INPP5A: variants seen among roughly 807,000 people sequenced by gnomAD.
INPP5A encodes inositol polyphosphate-5-phosphatase A.
A neutral mutation model predicts 65.2 loss-of-function variants in INPP5A; 14 were observed. The ratio of observed to expected loss-of-function variants is 0.21; its 90% CI spans 0.14 to 0.34. The LOEUF is 0.34. INPP5A is among the 10% of genes least tolerant of loss of function. The pLI is 1.00. For missense variants in INPP5A, 431 were observed against 545.6 expected, an observed-to-expected ratio of 0.79 and a Z score of 2.09; for synonymous variants, 207 against 208.3, an observed-to-expected ratio of 0.99 and a Z score of 0.05.
chr10:132,565,629 G>C (rs2071262997), intron 1 of INPP5A, among the ~76,000 whole-genome samples: 9 of 151,998 alleles, frequency 5.9e-5, no homozygotes, highest in Admixed American at 5.9e-4. Context: ...GTGTATGTGT[G>C]TATATGTATG....
At chr10:132,548,402 G>C (rs1247506715) in intron 1 of INPP5A, among the ~76,000 whole-genome samples, 1 of 152,300 alleles carries the variant, frequency 6.6e-6, no homozygotes, top group East Asian at 1.9e-4. Flanking sequence ...GGTGGCCCGG[G>C]AGTCGACTCT....
At chr10:132,652,517 C>T (rs1214437375) in intron 4 of INPP5A, among the ~76,000 whole-genome samples, 1 of 152,242 alleles carries the variant, frequency 6.6e-6, no homozygotes, top group Non-Finnish European at 1.5e-5. Flanking sequence ...GGTCCGATTG[C>T]TGAAAGCAAG....
intron 1 of INPP5A, among the ~76,000 whole-genome samples, chr10:132,570,162 G>T (rs1256724495): frequency 1.3e-5 from 2 of 151,718 alleles, no homozygotes; most frequent in African/African-American, 4.8e-5. Flanking sequence ...GGCCAGGCTG[G>T]TCTCAAACTC....
chr10:132,742,417 G>T (rs1276904727), intron 9 of INPP5A, among the ~76,000 whole-genome samples: 1 of 152,178 alleles, frequency 6.6e-6, no homozygotes, highest in Non-Finnish European at 1.5e-5. Flanking sequence ...CAGAGAGGGT[G>T]CCCACCGCCT....
At chr10:132,565,246 AT>A (rs1297099710) in intron 1 of INPP5A, among the ~76,000 whole-genome samples, 1 of 152,156 alleles carries the variant, frequency 6.6e-6, no homozygotes, top group Non-Finnish European at 1.5e-5. Context: ...GAGTGCTGGG[AT>A]TACAGGCATG....
intron 8 of INPP5A, among the ~76,000 whole-genome samples, chr10:132,718,605 GA>G (rs1845792399): frequency 6.9e-6 from 1 of 144,170 alleles, no homozygotes; most frequent in Admixed American, 7.0e-5. Context: ...CACCTTAGAC[GA>G]CTGTCTTCAG....
intron 12 of INPP5A, among the ~76,000 whole-genome samples, chr10:132,766,776 T>C (rs996588735): frequency 2.6e-5 from 4 of 152,264 alleles, no homozygotes; most frequent in South Asian, 4.1e-4. Flanking sequence ...CAGTTCTCAC[T>C]GTTGGAAGCC....
At chr10:132,779,322 C>T (rs1847118406) in intron 13 of INPP5A, among the ~76,000 whole-genome samples, 1 of 152,248 alleles carries the variant, frequency 6.6e-6, no homozygotes, top group Non-Finnish European at 1.5e-5. Context: ...GTGCTGAGAG[C>T]GGGTCAGGCA....
intron 4 of INPP5A, among the ~76,000 whole-genome samples, chr10:132,689,206 G>A (rs939136890): frequency 6.6e-5 from 10 of 152,224 alleles, no homozygotes; most frequent in African/African-American, 2.4e-4. Context: ...GACAGGCCCT[G>A]TTCAGAATGC....
In INPP5A at chr10:132,689,992, G is replaced by C. The variant is rs548280970; in HGVS notation, c.307-400G>C. Among the ~76,000 whole-genome samples, 25 of 152,300 alleles carry C rather than the reference G, an allele frequency of 1.6e-4. 1 individual carries two copies. The East Asian group carries it at 4.8e-3, about 29-fold the overall frequency. ...TCAATGCCCGGCCGGTGGGACCTGCGCCCCTGCTGGAGCCAGCACCGGCTG... is the reference window on the plus strand; with the variant it reads ...TCAATGCCCGGCCGGTGGGACCTGCCCCCCTGCTGGAGCCAGCACCGGCTG... On this transcript the variant is annotated intron_variant, in intron 4 of 15. Coordinates refer to ENST00000368594, the MANE Select transcript of INPP5A (RefSeq NM_005539.5).
chr10:132,688,655 A>G lies in INPP5A; in HGVS notation c.307-1737A>G, dbSNP rs946300202. Among the ~76,000 whole-genome samples, 3 of 147,944 alleles carry G rather than the reference A, an allele frequency of 2.0e-5. No homozygotes were observed. In the South Asian group the frequency reaches 6.5e-4, roughly 32 times the overall value. On this transcript the variant is annotated intron_variant, in intron 4 of 15. Transcript: ENST00000368594. ...CGTGCGTGTGCATGAGTGTGTGTGC[A>G]AGTGAGTGTGAACAAGTGTGTGCGT...
At chr10:132,723,984 C>T (rs1394439787) in intron 8 of INPP5A, among the ~76,000 whole-genome samples, 1 of 152,142 alleles carries the variant, frequency 6.6e-6, no homozygotes, top group African/African-American at 2.4e-5. Flanking sequence ...TGAGATTTAA[C>T]CTAAAGTGGA....
chr10:132,585,180 A>G (rs928913862), intron 1 of INPP5A, among the ~76,000 whole-genome samples: 1 of 152,260 alleles, frequency 6.6e-6, no homozygotes, highest in African/African-American at 2.4e-5. Context: ...GAAGTCATGT[A>G]ACTGAGCCAA....
At position 132,674,425 on chromosome 10, in the gene INPP5A, T is replaced by C. The variant is rs2072935969; in HGVS notation, c.307-15967T>C. Among the ~76,000 whole-genome samples, 1 of 152,248 alleles carries C rather than the reference T, an allele frequency of 6.6e-6. No homozygotes were observed. The highest frequency in any genetic ancestry group is 1.5e-5 in the Non-Finnish European group (1 of 68,048). ...ATGTCCTAGAAAGGGGCTGTCATGC[T>C]ACAGCTGTCCACTTTCGGGTGGTGC... On this transcript the variant is annotated intron_variant, in intron 4 of 15. Transcript: ENST00000368594. The surrounding 1 kb of genome is among the most constrained non-coding windows in gnomAD (Gnocchi z 4.4).
intron 2 of INPP5A, among the ~76,000 whole-genome samples, chr10:132,621,914 T>C (rs999950735): frequency 4.6e-5 from 7 of 152,196 alleles, no homozygotes; most frequent in Admixed American, 4.6e-4. Flanking sequence ...AAGGTTTATT[T>C]TCCTTTCACA....
At chr10:132,746,431 G>T (rs1846373262) in intron 9 of INPP5A, among the ~76,000 whole-genome samples, 1 of 152,190 alleles carries the variant, frequency 6.6e-6, no homozygotes, top group Admixed American at 6.5e-5. Context: ...GGTGCACATT[G>T]GGGCGACTCT....
chr10:132,737,382 G>A (rs1000709249), intron 9 of INPP5A, among the ~76,000 whole-genome samples: 5 of 152,182 alleles, frequency 3.3e-5, no homozygotes, highest in Admixed American at 2.0e-4. Flanking sequence ...TCCTGCTGCC[G>A]TGGGTTAATG....
At chr10:132,711,923 A>G (rs796784967) in intron 8 of INPP5A, among the ~76,000 whole-genome samples, 8 of 152,236 alleles carry the variant, frequency 5.3e-5, no homozygotes, top group African/African-American at 1.7e-4. Flanking sequence ...CTTCCTGGGG[A>G]AGACAGTGGG....
intron 2 of INPP5A, among the ~76,000 whole-genome samples, chr10:132,609,464 C>G (rs11146431): frequency 6.6e-6 from 1 of 152,134 alleles, no homozygotes; most frequent in African/African-American, 2.4e-5. Context: ...CCTTGCAGAA[C>G]CTTCGTCCTC....
Sources: allele counts gnomAD v4.1 joint callset (sites outside exome capture counted in the v4.1 genomes callset), GRCh38; gene constraint gnomAD v4.1.1; non-coding constraint Gnocchi (gnomAD v3.1); transcripts MANE v1.5; gene names NCBI Gene and HGNC (gene_info 2026-07-23, HGNC 2026-07-21).